DNM3: variants seen among roughly 807,000 people sequenced by gnomAD.
The protein encoded by DNM3 is dynamin-3.
DNM3 carries 47 observed loss-of-function variants against 101.6 expected under a neutral mutation model. The observed-to-expected ratio is 0.46, with a 90% CI of 0.37 to 0.59. The LOEUF (loss-of-function observed/expected upper bound fraction) is 0.59, where lower values mean the gene tolerates loss of function less well. DNM3 is among the 20% of genes least tolerant of loss of function. The probability of loss-of-function intolerance (pLI) is 0.00; values close to 1 mark genes in which losing one functional copy is unlikely to be tolerated. For synonymous variants in DNM3, 385 were observed against 387.9 expected, an observed-to-expected ratio of 0.99 and a Z score of 0.09; for missense variants, 849 against 1,085.7, an observed-to-expected ratio of 0.78 and a Z score of 3.06.
At chr1:171,860,405 A>G (rs2034053657) in intron 1 of DNM3, among the ~76,000 whole-genome samples, 1 of 152,164 alleles carries the variant, frequency 6.6e-6, no homozygotes, top group African/African-American at 2.4e-5. Context: ...AAGATTTGCT[A>G]TGGAAAAGAA....
chr1:171,879,204 A>G (rs983872459), intron 1 of DNM3, among the ~76,000 whole-genome samples: 3 of 152,348 alleles, frequency 2.0e-5, no homozygotes, highest in African/African-American at 7.2e-5. Flanking sequence ...TGTTCAAAGA[A>G]GCAAGGGCTG....
At chr1:172,139,117 T>C (rs1355910596) in intron 14 of DNM3, 1 of 312,892 alleles carries the variant, frequency 3.2e-6, no homozygotes, top group Non-Finnish European at 6.3e-6. Context: ...CATGGATAAT[T>C]TGCGTAACAG....
chr1:172,086,836 G>A (rs948903680), intron 12 of DNM3, among the ~76,000 whole-genome samples: 3 of 152,076 alleles, frequency 2.0e-5, no homozygotes, highest in East Asian at 1.9e-4. Context: ...TGGAACTATC[G>A]TATAATCTGT....
At chr1:172,117,335 T>C (rs1022496836) in intron 13 of DNM3, among the ~76,000 whole-genome samples, 2 of 152,134 alleles carry the variant, frequency 1.3e-5, no homozygotes, top group Non-Finnish European at 2.9e-5. Context: ...GGTTTGACTG[T>C]GTCTCCATGC....
intron 14 of DNM3, among the ~76,000 whole-genome samples, chr1:172,217,236 T>C (rs1380801269): frequency 6.6e-6 from 1 of 152,042 alleles, no homozygotes; most frequent in African/African-American, 2.4e-5. Context: ...GGTGGAGAAA[T>C]CTTTCTGAGC....
intron 4 of DNM3, among the ~76,000 whole-genome samples, chr1:172,023,945 T>C (rs1259102066): frequency 6.6e-6 from 1 of 151,968 alleles, no homozygotes; most frequent in Non-Finnish European, 1.5e-5. Flanking sequence ...CATTTTAATT[T>C]CTGCTCTCCT....
intron 11 of DNM3, among the ~76,000 whole-genome samples, chr1:172,071,026 G>A (rs936081626): frequency 4.8e-5 from 7 of 144,358 alleles, no homozygotes; most frequent in South Asian, 2.2e-4. Context: ...GGAGGTTGAG[G>A]CTGCAGTGAG....
chr1:172,307,077 A>G (rs2064855483), intron 15 of DNM3, among the ~76,000 whole-genome samples: 1 of 152,222 alleles, frequency 6.6e-6, no homozygotes, highest in Non-Finnish European at 1.5e-5. Flanking sequence ...AACTACCATC[A>G]GAGTGAACAG....
chr1:172,021,363 C>T (rs1012285263), intron 4 of DNM3, among the ~76,000 whole-genome samples: 1 of 151,858 alleles, frequency 6.6e-6, no homozygotes, highest in African/African-American at 2.4e-5. Flanking sequence ...CTCCCAGCTC[C>T]TCAGGAGGCT....
At chr1:172,203,228 C>G (rs2148492524) in intron 14 of DNM3, among the ~76,000 whole-genome samples, 1 of 152,230 alleles carries the variant, frequency 6.6e-6, no homozygotes, top group South Asian at 2.1e-4. Flanking sequence ...ACCTCGTGTT[C>G]CCCAAAGGCT....
intron 14 of DNM3, among the ~76,000 whole-genome samples, chr1:172,165,638 C>T (rs527279592): frequency 4.7e-4 from 72 of 152,186 alleles, no homozygotes; most frequent in African/African-American, 1.6e-3. Context: ...CAGCAACCAA[C>T]GCTGCAAGGA....
At chr1:172,147,712 G>GT (rs1012373932) in intron 14 of DNM3, among the ~76,000 whole-genome samples, 72 of 151,848 alleles carry the variant, frequency 4.7e-4, no homozygotes, top group African/African-American at 1.4e-3. Flanking sequence ...ATAGCCTTAA[G>GT]TTTTTTTTGT....
At chr1:172,040,707 A>C (rs1407680084) in intron 7 of DNM3, among the ~76,000 whole-genome samples, 3 of 152,262 alleles carry the variant, frequency 2.0e-5, no homozygotes, top group South Asian at 4.1e-4. Flanking sequence ...AGGAGGGGCG[A>C]TGAGGAGTGG....
At chr1:172,303,225 C>T (rs1235376461) in intron 15 of DNM3, among the ~76,000 whole-genome samples, 1 of 152,110 alleles carries the variant, frequency 6.6e-6, no homozygotes, top group Non-Finnish European at 1.5e-5. Context: ...ATGAGAACTA[C>T]ATGATGCATG....
intron 11 of DNM3, among the ~76,000 whole-genome samples, chr1:172,075,201 C>T (rs1166615316): frequency 2.0e-5 from 3 of 150,784 alleles, no homozygotes; most frequent in African/African-American, 7.3e-5. Context: ...TTTGTAAATT[C>T]TGGATATTAG....
intron 15 of DNM3, among the ~76,000 whole-genome samples, chr1:172,268,023 T>TAGTTTTAAAAGTTAAGCAGGAGGAGAGCC (rs2062937357): frequency 6.6e-6 from 1 of 152,172 alleles, no homozygotes; most frequent in Admixed American, 6.5e-5. Flanking sequence ...GGTTTTCTAT[T>TAGTTTTAAAAGTTAAGCAGGAGGAGAGCC]AGTTTTAAAA....
chr1:172,284,037 A>G (rs899603229), intron 15 of DNM3, among the ~76,000 whole-genome samples: 3 of 152,156 alleles, frequency 2.0e-5, no homozygotes, highest in Non-Finnish European at 4.4e-5. Flanking sequence ...TTACAATTAA[A>G]TCCAGGAAAA....
intron 2 of DNM3, among the ~76,000 whole-genome samples, chr1:171,969,293 C>G (rs1482760007): frequency 6.6e-6 from 1 of 152,184 alleles, no homozygotes; most frequent in Non-Finnish European, 1.5e-5. Flanking sequence ...AAAGTACCCT[C>G]TTCACTGGGT....
At chr1:172,385,272 C>T (rs1165380829) in intron 18 of DNM3, among the ~76,000 whole-genome samples, 1 of 152,192 alleles carries the variant, frequency 6.6e-6, no homozygotes, top group Non-Finnish European at 1.5e-5. Context: ...CTTGCAAAGT[C>T]TTTTTCAATG....
Sources: gnomAD v4.1 joint callset for allele counts (sites outside exome capture counted in the v4.1 genomes callset) on GRCh38, gnomAD v4.1.1 for gene constraint, MANE v1.5 for transcripts, NCBI Gene and HGNC (gene_info 2026-07-23, HGNC 2026-07-21) for gene names.